The following PRKD1 variants were observed in gnomAD, a reference collection of about 807,000 sequenced individuals.
PRKD1 encodes the protein protein kinase D1, also known as serine/threonine-protein kinase D1.
Under a neutral mutation model 95.9 loss-of-function variants are expected in PRKD1, and 63 were observed. The observed-to-expected ratio is 0.66, with a 90% CI of 0.54 to 0.81. The LOEUF (loss-of-function observed/expected upper bound fraction) is 0.81, where lower values mean the gene tolerates loss of function less well. PRKD1 is among the 30% of genes least tolerant of loss of function. The pLI, the probability that PRKD1 is intolerant of heterozygous loss-of-function variation, is 0.00. For missense variants in PRKD1, 1,048 were observed against 1,165.3 expected (o/e 0.90, Z 1.47); for synonymous variants, 425 against 423.1 (o/e 1.00, Z -0.05).
intron 1 of PRKD1, among the ~76,000 whole-genome samples, chr14:29,747,923 T>C (rs1000853513): frequency 1.3e-5 from 2 of 152,054 alleles, no homozygotes; most frequent in South Asian, 2.1e-4. Context: ...TTTGTATTTT[T>C]AGTAGAGATG....
chr14:29,890,147 G>A (rs890433177), intron 1 of PRKD1, among the ~76,000 whole-genome samples: 2 of 152,176 alleles, frequency 1.3e-5, no homozygotes, highest in Non-Finnish European at 2.9e-5. Flanking sequence ...ATCAAATGCA[G>A]TTCTCTCCAG....
chr14:29,616,584 C>G (rs182243673), intron 13 of PRKD1, among the ~76,000 whole-genome samples: 204 of 150,844 alleles, frequency 1.4e-3, no homozygotes, highest in African/African-American at 4.8e-3. Flanking sequence ...GCTGAGACTA[C>G]AGGTGCACAC....
rs537145387 is a variant in PRKD1 at position 29,875,704 on chromosome 14, T to G, written c.264+51545A>C. 2.1e-3 allele frequency among the ~76,000 whole-genome samples: 313 copies of G among 152,372 alleles called. 3 individuals carry two copies. The highest frequency in any genetic ancestry group is 6.9e-3 in the African/African-American group (289 of 41,590). On this transcript the variant is annotated intron_variant, in intron 1 of 17. Coordinates refer to ENST00000331968, the MANE Select transcript of PRKD1 (RefSeq NM_002742.3). ...GTCCATTTAAACAACATTGTAAGTT[T>G]ATGGTATCATAAGGAGATGTATTAA... is the stretch of plus-strand genomic sequence containing the variant.
intron 1 of PRKD1, among the ~76,000 whole-genome samples, chr14:29,728,727 A>T (rs1180419552): frequency 6.6e-6 from 1 of 152,192 alleles, no homozygotes; most frequent in Non-Finnish European, 1.5e-5. Context: ...ACAAATAAAA[A>T]TGCAATGAAC....
intron 1 of PRKD1, among the ~76,000 whole-genome samples, chr14:29,881,303 C>T (rs550763122): frequency 1.8e-4 from 28 of 152,168 alleles, no homozygotes; most frequent in Non-Finnish European, 4.1e-4. Context: ...TCAGGGGCTT[C>T]CACTTTTGCT....
intron 2 of PRKD1, among the ~76,000 whole-genome samples, chr14:29,679,593 A>G (rs2139262267): frequency 6.6e-6 from 1 of 152,336 alleles, no homozygotes; most frequent in African/African-American, 2.4e-5. Context: ...CAAACAAGAC[A>G]GGTCAAGTAA....
At chr14:29,888,064 G>A (rs895710451) in intron 1 of PRKD1, among the ~76,000 whole-genome samples, 1 of 152,172 alleles carries the variant, frequency 6.6e-6, no homozygotes, top group African/African-American at 2.4e-5. Flanking sequence ...TCTTTGGGAG[G>A]TTGAGGTAAG....
rs45624938 is a variant in PRKD1 at position 29,679,224 on chromosome 14, G to A, written c.404-13016C>T. Among the ~76,000 whole-genome samples the A allele has an allele frequency of 7.6e-3, 1,160 of 152,274 alleles. 21 individuals carry two copies. Among genetic ancestry groups the A allele is most frequent in the African/African-American group, 0.026 (1,069 of 41,552 alleles). Reference sequence around the variant, plus strand: ...AAACATGTACCATATGGCAACTTTAGCCCATCTTCCTAAAGTGTGCTGTAA... The same window carrying A: ...AAACATGTACCATATGGCAACTTTAACCCATCTTCCTAAAGTGTGCTGTAA... On this transcript the variant is annotated intron_variant, in intron 2 of 17. Coordinates refer to ENST00000331968, the MANE Select transcript of PRKD1 (RefSeq NM_002742.3).
intron 1 of PRKD1, among the ~76,000 whole-genome samples, chr14:29,790,438 T>C (rs1477658215): frequency 6.6e-6 from 1 of 152,188 alleles, no homozygotes; most frequent in African/African-American, 2.4e-5. Context: ...GCTTTTTGAA[T>C]AAAGAAAGAG....
chr14:29,855,226 A>G (rs1043050144), intron 1 of PRKD1, among the ~76,000 whole-genome samples: 1 of 152,120 alleles, frequency 6.6e-6, no homozygotes, highest in Admixed American at 6.5e-5. Context: ...CACACACTCA[A>G]TGTCGGCCCA....
intron 13 of PRKD1, among the ~76,000 whole-genome samples, chr14:29,605,524 T>C (rs1467662282): frequency 1.3e-5 from 2 of 152,184 alleles, no homozygotes; most frequent in African/African-American, 2.4e-5. Flanking sequence ...AGGTAACTTT[T>C]ATTGACTCTC....
intron 2 of PRKD1, among the ~76,000 whole-genome samples, chr14:29,709,524 GAAAT>G (rs938593209): frequency 6.6e-6 from 1 of 152,146 alleles, no homozygotes; most frequent in African/African-American, 2.4e-5. Flanking sequence ...ACCAATAAGA[GAAAT>G]AGATAGATAC....
chr14:29,913,105 T>C (rs1894776410), intron 1 of PRKD1, among the ~76,000 whole-genome samples: 1 of 152,234 alleles, frequency 6.6e-6, no homozygotes, highest in Admixed American at 6.5e-5. Context: ...ATGTTAGTTG[T>C]CTTTTCATTT....
intron 1 of PRKD1, among the ~76,000 whole-genome samples, chr14:29,836,954 T>C (rs781545126): frequency 6.6e-6 from 1 of 152,180 alleles, no homozygotes; most frequent in African/African-American, 2.4e-5. Flanking sequence ...ATAAAATTCA[T>C]AATAAAATCA....
At chr14:29,838,157 G>GAA (rs1194731240) in intron 1 of PRKD1, among the ~76,000 whole-genome samples, 3 of 152,124 alleles carry the variant, frequency 2.0e-5, no homozygotes, top group Non-Finnish European at 2.9e-5. Context: ...AATACCTTTA[G>GAA]ATAGGTTTTA....
chr14:29,796,051 T>A (rs529117413), intron 1 of PRKD1, among the ~76,000 whole-genome samples: 15 of 152,258 alleles, frequency 9.9e-5, no homozygotes, highest in South Asian at 8.3e-4. Context: ...GATACACATA[T>A]TTGTAACACT....
intron 1 of PRKD1, among the ~76,000 whole-genome samples, chr14:29,767,704 G>A (rs79100415): frequency 2.6e-4 from 40 of 152,108 alleles, no homozygotes; most frequent in Admixed American, 5.9e-4. Flanking sequence ...GAATAAAGAC[G>A]ATTTTAGCAG....
intron 1 of PRKD1, among the ~76,000 whole-genome samples, chr14:29,808,010 C>A (rs1460727130): frequency 6.6e-6 from 1 of 152,138 alleles, no homozygotes; most frequent in African/African-American, 2.4e-5. Flanking sequence ...GAGTGAGCCA[C>A]CGTGCCTCAC....
chr14:29,860,992 C>A (rs2139358723), intron 1 of PRKD1, among the ~76,000 whole-genome samples: 1 of 152,248 alleles, frequency 6.6e-6, no homozygotes, highest in African/African-American at 2.4e-5. Context: ...ATATACCAGT[C>A]CAATTTTCGA....
Sources: gnomAD v4.1 joint callset for allele counts (sites outside exome capture counted in the v4.1 genomes callset) on GRCh38, gnomAD v4.1.1 for gene constraint, MANE v1.5 for transcripts, NCBI Gene and HGNC (gene_info 2026-07-23, HGNC 2026-07-21) for gene names.